CFAP95: variants seen among roughly 807,000 people sequenced by gnomAD.
CFAP95 encodes the protein cilia- and flagella-associated protein 95.
the CFAP95 span, among the ~76,000 whole-genome samples, chr9:69,853,301 T>C: frequency 6.6e-6 from 1 of 152,186 alleles, no homozygotes; most frequent in African/African-American, 2.4e-5. Context: ...TTACTTCCCA[T>C]AAGTGCAGCA....
chr9:69,822,464 A>C, the CFAP95 span, among the ~76,000 whole-genome samples: 2 of 152,250 alleles, frequency 1.3e-5, no homozygotes, highest in African/African-American at 4.8e-5. Context: ...TTTGGAATCC[A>C]AAACTACACT....
the CFAP95 span, among the ~76,000 whole-genome samples, chr9:69,895,405 G>A: frequency 5.5e-5 from 7 of 126,330 alleles, no homozygotes; most frequent in East Asian, 7.5e-4. Flanking sequence ...GTATTCTATT[G>A]GTTCTGTTTC....
chr9:69,858,286 T>C, the CFAP95 span: 2 of 340,444 alleles, frequency 5.9e-6, no homozygotes, highest in Non-Finnish European at 1.1e-5. Context: ...TGTGGACATA[T>C]GCAGAATGGT....
chr9:69,879,539 G>T, the CFAP95 span, among the ~76,000 whole-genome samples: 1 of 152,122 alleles, frequency 6.6e-6, no homozygotes, highest in Admixed American at 6.6e-5. Flanking sequence ...GGATAAATAT[G>T]CATATGACAT....
At chr9:69,866,773 G>T in the CFAP95 span, among the ~76,000 whole-genome samples, 1 of 152,200 alleles carries the variant, frequency 6.6e-6, no homozygotes, top group African/African-American at 2.4e-5. Context: ...CTGGTGAAAA[G>T]TTATTTATCC....
At chr9:69,820,840 C>T in the CFAP95 span, 8 of 1,600,268 alleles carry the variant, frequency 5.0e-6, no homozygotes, top group Non-Finnish European at 6.0e-6. Context: ...AGGACAGGTG[C>T]ATAGGGAACT....
chr9:69,882,581 G>A, the CFAP95 span, among the ~76,000 whole-genome samples: 1 of 152,100 alleles, frequency 6.6e-6, no homozygotes, highest in Non-Finnish European at 1.5e-5. Context: ...CTAGCTGTGG[G>A]TCTGTCATAT....
the CFAP95 span, among the ~76,000 whole-genome samples, chr9:69,898,490 A>G: frequency 6.6e-6 from 1 of 152,224 alleles, no homozygotes; most frequent in Admixed American, 6.5e-5. Context: ...CAAAAATGGC[A>G]CAAGGAGCTT....
chr9:69,874,091 G>C, the CFAP95 span, among the ~76,000 whole-genome samples: 1 of 152,046 alleles, frequency 6.6e-6, no homozygotes, highest in Non-Finnish European at 1.5e-5. Context: ...TAAATTCCCG[G>C]CATCCTTACA....
the CFAP95 span, among the ~76,000 whole-genome samples, chr9:69,877,832 T>C: frequency 1.3e-5 from 2 of 152,226 alleles, no homozygotes; most frequent in Non-Finnish European, 2.9e-5. Flanking sequence ...TAGTGCATTA[T>C]TGAATAGAAA....
the CFAP95 span, among the ~76,000 whole-genome samples, chr9:69,894,667 A>G: frequency 2.6e-5 from 4 of 152,350 alleles, no homozygotes; most frequent in South Asian, 2.1e-4. Flanking sequence ...TTCAAAGTGA[A>G]CTTGGGTCTG....
At chr9:69,847,107 G>A in the CFAP95 span, among the ~76,000 whole-genome samples, 1 of 152,158 alleles carries the variant, frequency 6.6e-6, no homozygotes, top group Non-Finnish European at 1.5e-5. Flanking sequence ...GAGGGAGTGC[G>A]GGGCAGGGAC....
the CFAP95 span, among the ~76,000 whole-genome samples, chr9:69,899,204 T>C: frequency 6.6e-6 from 1 of 152,256 alleles, no homozygotes; most frequent in East Asian, 1.9e-4. Flanking sequence ...TAGCCAACAG[T>C]AACATATAGT....
chr9:69,828,602 G>C, the CFAP95 span, among the ~76,000 whole-genome samples: 2 of 152,188 alleles, frequency 1.3e-5, no homozygotes, highest in Non-Finnish European at 2.9e-5. Context: ...AGGATCGCTG[G>C]AGCATGGGAG....
chr9:69,898,164 T>G, the CFAP95 span, among the ~76,000 whole-genome samples: 3 of 152,216 alleles, frequency 2.0e-5, no homozygotes. Flanking sequence ...GACATTGTTG[T>G]GTTTTGTCAG....
the CFAP95 span, among the ~76,000 whole-genome samples, chr9:69,892,133 T>C: frequency 2.0e-5 from 3 of 152,228 alleles, no homozygotes; most frequent in Non-Finnish European, 4.4e-5. Flanking sequence ...ATTTTAATCT[T>C]TTTTAGCATG....
At chr9:69,897,315 A>G in the CFAP95 span, among the ~76,000 whole-genome samples, 1 of 152,216 alleles carries the variant, frequency 6.6e-6, no homozygotes, top group Non-Finnish European at 1.5e-5. Flanking sequence ...TGCTGTGCTA[A>G]TGCCAGGTGG....
chr9:69,874,996 A>T, the CFAP95 span, among the ~76,000 whole-genome samples: 1 of 152,198 alleles, frequency 6.6e-6, no homozygotes. Context: ...CCTAGAAATA[A>T]TGCCTCTGTT....
chr9:69,856,089 G>C, the CFAP95 span, among the ~76,000 whole-genome samples: 1 of 152,080 alleles, frequency 6.6e-6, no homozygotes, highest in African/African-American at 2.4e-5. Context: ...ACATCTTATA[G>C]TTTGAAGATT....
Sources: allele counts gnomAD v4.1 joint callset (sites outside exome capture counted in the v4.1 genomes callset), GRCh38; gene constraint gnomAD v4.1.1; transcripts MANE v1.5; gene names NCBI Gene and HGNC (gene_info 2026-07-23, HGNC 2026-07-21).